Variants in ANKRD36 observed in about 807,000 individuals in gnomAD.
The protein encoded by ANKRD36 is ankyrin repeat domain 36, also known as ankyrin repeat domain-containing protein 36A.
Under a neutral mutation model 278.1 loss-of-function variants are expected in ANKRD36, and 179 were observed. The observed-to-expected ratio is 0.64, with a 90% CI of 0.57 to 0.73. The LOEUF (loss-of-function observed/expected upper bound fraction) is 0.73. Ranked by LOEUF, ANKRD36 falls within the 30% of genes least tolerant of loss-of-function variation. The pLI, the probability that ANKRD36 is intolerant of heterozygous loss-of-function variation, is 0.00. For missense variants in ANKRD36, 1,159 were observed against 1,956.7 expected (o/e 0.59, Z 7.69); for synonymous variants, 320 against 641.1 (o/e 0.50, Z 7.57).
chr2:97,125,208 C>A (rs1289347360), intron 5 of ANKRD36, among the ~76,000 whole-genome samples: 1 of 151,520 alleles, frequency 6.6e-6, no homozygotes, highest in Non-Finnish European at 1.5e-5. Context: ...ACCAGCATGC[C>A]CTTTCTGTTT....
chr2:97,117,121 C>A (rs2153402181), intron 1 of ANKRD36, among the ~76,000 whole-genome samples: 1 of 150,130 alleles, frequency 6.7e-6, no homozygotes, highest in Admixed American at 6.7e-5. Flanking sequence ...ACTGCCATTT[C>A]AGAAACTTAT....
chr2:97,233,550 A>G (rs2072907224), intron 67 of ANKRD36, among the ~76,000 whole-genome samples, 180 bp from the exon 68 acceptor site: 1 of 152,114 alleles, frequency 6.6e-6, no homozygotes, highest in South Asian at 2.1e-4. Context: ...TAATTTATCC[A>G]TAGACCATGT....
chr2:97,211,807 T>C (rs1264563950), intron 58 of ANKRD36, 66 bp downstream of exon 58: 3 of 1,488,830 alleles, frequency 2.0e-6, no homozygotes, highest in Admixed American at 4.1e-5. Context: ...CTTCACCAAA[T>C]AAAACAGCGG....
chr2:97,199,234 G>C (rs1248692201), intron 44 of ANKRD36, among the ~76,000 whole-genome samples: 1 of 151,866 alleles, frequency 6.6e-6, no homozygotes, highest in Non-Finnish European at 1.5e-5. Context: ...AGAAATATTT[G>C]ATTTTGGCTA....
intron 72 of ANKRD36, chr2:97,248,505 C>A (rs547549046): frequency 4.3e-5 from 5 of 115,694 alleles, no homozygotes; most frequent in Non-Finnish European, 1.5e-5. Context: ...TTATTTGGAA[C>A]TGACTTTGTC....
At chr2:97,168,763 C>T (rs369671161) in intron 22 of ANKRD36, among the ~76,000 whole-genome samples, 8,513 of 102,952 alleles carry the variant, frequency 0.083, no homozygotes, top group African/African-American at 0.13. Flanking sequence ...AGGCTTCATC[C>T]ATGTCTTTGC....
At chr2:97,124,695 G>A (rs1179490124) in intron 5 of ANKRD36, 98 bp downstream of exon 5, 12 of 1,371,192 alleles carry the variant, frequency 8.8e-6, no homozygotes, top group South Asian at 1.5e-5. Flanking sequence ...TCATAGTTTG[G>A]TTCAAGTAGT....
At position 97,200,635 on chromosome 2, in the gene ANKRD36, C is replaced by A. The variant is rs1229143608; in HGVS notation, c.2857+110C>A. On this transcript the variant is annotated intron_variant, in intron 46 of 75. Coordinates refer to ENST00000420699, the MANE Select transcript of ANKRD36 (RefSeq NM_001354587.1). ...AAGCTGCACGTTCTGATTCACCAAG[C>A]TTGAGATTCTTCTTTTCTAACAAGT... 1.2e-5 allele frequency: 18 copies of A among 1,467,006 alleles called. No homozygotes were observed. The African/African-American group carries it at 2.6e-4, about 21-fold the overall frequency. The allele number at this position is 1,467,006 out of a possible 1,614,324, so 90.9% of individuals were successfully genotyped here.
At chr2:97,175,418 G>A (rs1278526336) in intron 22 of ANKRD36, among the ~76,000 whole-genome samples, 2 of 151,854 alleles carry the variant, frequency 1.3e-5, no homozygotes, top group Non-Finnish European at 2.9e-5. Context: ...TTGCGTAGAG[G>A]TGTTTGTAGT....
At chr2:97,132,756 G>A (rs1188195965) in intron 6 of ANKRD36, among the ~76,000 whole-genome samples, 1 of 151,996 alleles carries the variant, frequency 6.6e-6, no homozygotes, top group Non-Finnish European at 1.5e-5. Context: ...ATTGACTCAG[G>A]GCAAAGGGGC....
At chr2:97,221,024 A>G (rs370819276) in intron 66 of ANKRD36, among the ~76,000 whole-genome samples, 92,749 of 95,294 alleles carry the variant, frequency 0.97, 45,125 homozygotes, top group East Asian at 1. Flanking sequence ...GAGAATATGC[A>G]GTGTTTGGTT....
intron 17 of ANKRD36, 82 bp from the exon 18 acceptor site, chr2:97,162,017 C>T: frequency 2.3e-6 from 3 of 1,322,928 alleles, no homozygotes; most frequent in Non-Finnish European, 2.9e-6. Flanking sequence ...AATTTATAGA[C>T]ACAGAAAATG....
rs1417539885 is a variant in ANKRD36 at position 97,113,200 on chromosome 2, AGCTGTGGCAACCC to A, written c.-539_-527del. On this transcript the variant is annotated 5_prime_UTR_variant, in exon 1 of 76. Coordinates refer to ENST00000420699, the MANE Select transcript of ANKRD36 (RefSeq NM_001354587.1). Reference sequence around the variant, plus strand: ...CGCCTACAAGTGGTGCGCTGGCTGCAGCTGTGGCAACCCCGGATCCCGTCCTCCCGCCTCGCAC... The same window carrying A: ...CGCCTACAAGTGGTGCGCTGGCTGCACGGATCCCGTCCTCCCGCCTCGCAC... Among the ~76,000 whole-genome samples the A allele has an allele frequency of 6.6e-6, 1 of 151,880 alleles. No homozygotes were observed. Among genetic ancestry groups the A allele is most frequent in the Admixed American group, 6.6e-5 (1 of 15,242 alleles).
intron 60 of ANKRD36, 76 bp from the exon 61 acceptor site, chr2:97,215,225 G>GCTA: frequency 2.6e-6 from 4 of 1,566,572 alleles, no homozygotes; most frequent in Non-Finnish European, 3.4e-6. Flanking sequence ...GCAGCTTGAT[G>GCTA]CTAACACTGC....
chr2:97,192,790 T>C, intron 36 of ANKRD36, 68 bp from the exon 37 acceptor site: 3 of 1,535,530 alleles, frequency 2.0e-6, no homozygotes, highest in Non-Finnish European at 2.7e-6. Context: ...ATACAAACAC[T>C]TCATGAATGT....
At chr2:97,221,640 G>T (rs1235187632) in intron 66 of ANKRD36, among the ~76,000 whole-genome samples, 1 of 149,584 alleles carries the variant, frequency 6.7e-6, no homozygotes, top group East Asian at 2.0e-4. Context: ...TTTTTTTCTT[G>T]TAAATTTGTT....
intron 24 of ANKRD36, among the ~76,000 whole-genome samples, chr2:97,180,501 A>G (rs1031014785): frequency 6.6e-6 from 1 of 151,674 alleles, no homozygotes; most frequent in Non-Finnish European, 1.5e-5. Flanking sequence ...GAATATTTGC[A>G]TAAAAGAAGA....
At position 97,185,364 on chromosome 2, in the gene ANKRD36, T is replaced by C. The variant is rs1031863187; in HGVS notation, c.1968+20T>C. 13 of 1,609,780 alleles carry C rather than the reference T, an allele frequency of 8.1e-6. No homozygotes were observed. Among genetic ancestry groups the C allele is most frequent in the Non-Finnish European group, 1.1e-5 (13 of 1,177,532 alleles). ...TCAAAGGTAATTAAACTCTCATTTA[T>C]ATTTTGTATTAGTAACTGTATAGTC... On this transcript the variant is annotated intron_variant, in intron 29 of 75. Coordinates refer to ENST00000420699, the MANE Select transcript of ANKRD36 (RefSeq NM_001354587.1).
chr2:97,250,612 T>C (rs1268166093), intron 75 of ANKRD36, among the ~76,000 whole-genome samples: 1 of 120,912 alleles, frequency 8.3e-6, no homozygotes, highest in Non-Finnish European at 1.5e-5. Context: ...CCAGTGACAT[T>C]TTAAATCTCT....
Sources: allele counts gnomAD v4.1 joint callset (sites outside exome capture counted in the v4.1 genomes callset), GRCh38; gene constraint gnomAD v4.1.1; transcripts MANE v1.5; gene names NCBI Gene and HGNC (gene_info 2026-07-23, HGNC 2026-07-21).